The following NCAM2 variants were observed in gnomAD, a reference collection of about 807,000 sequenced individuals.
NCAM2 encodes neural cell adhesion molecule 2.
Under a neutral mutation model 98.1 loss-of-function variants are expected in NCAM2, and 30 were observed. That is an observed-to-expected ratio of 0.31 (90% CI 0.23 to 0.41). The LOEUF (loss-of-function observed/expected upper bound fraction) is 0.41, where lower values mean the gene tolerates loss of function less well. Among genes scored for constraint, NCAM2 ranks in the 10% least tolerant of loss-of-function variants. The pLI is 1.00. For synonymous variants in NCAM2, 368 were observed against 342.4 expected, an observed-to-expected ratio of 1.07 and a Z score of -0.83; for missense variants, 867 against 1,005.8, an observed-to-expected ratio of 0.86 and a Z score of 1.87.
At chr21:21,535,243 G>A (rs78599032) in intron 17 of NCAM2, among the ~76,000 whole-genome samples, 7,902 of 151,828 alleles carry the variant, frequency 0.052, 681 homozygotes, top group African/African-American at 0.18. Context: ...ATGAATATAC[G>A]CCTAGATTCA....
At chr21:21,188,480 A>G (rs932549789) in intron 1 of NCAM2, among the ~76,000 whole-genome samples, 3 of 152,176 alleles carry the variant, frequency 2.0e-5, no homozygotes, top group Non-Finnish European at 2.9e-5. Flanking sequence ...ATAACTAGCT[A>G]TGGGTTAAAA....
At chr21:21,275,785 C>T (rs1601840907) in intron 1 of NCAM2, among the ~76,000 whole-genome samples, 1 of 152,150 alleles carries the variant, frequency 6.6e-6, no homozygotes, top group South Asian at 2.1e-4. Flanking sequence ...ACAAGATACC[C>T]TCTTGTTTTT....
At chr21:21,113,878 T>G (rs974377119) in intron 1 of NCAM2, among the ~76,000 whole-genome samples, 1 of 152,188 alleles carries the variant, frequency 6.6e-6, no homozygotes, top group African/African-American at 2.4e-5. Context: ...ATATTTATAT[T>G]GTTAGATAGT....
At chr21:21,361,876 T>C (rs1389117966) in intron 8 of NCAM2, among the ~76,000 whole-genome samples, 1 of 152,210 alleles carries the variant, frequency 6.6e-6, no homozygotes, top group East Asian at 1.9e-4. Flanking sequence ...TTATTTATTT[T>C]TATTCTGGCT....
chr21:21,380,015 G>A (rs549392349), intron 9 of NCAM2, among the ~76,000 whole-genome samples: 3 of 152,048 alleles, frequency 2.0e-5, no homozygotes, highest in Non-Finnish European at 4.4e-5. Flanking sequence ...GTCTTTTCAC[G>A]TTTTTCTGCC....
chr21:21,111,955 G>C (rs1470987539), intron 1 of NCAM2, among the ~76,000 whole-genome samples: 3 of 152,080 alleles, frequency 2.0e-5, no homozygotes. Flanking sequence ...AATGTTTATT[G>C]TGTAAATTAC....
chr21:21,405,449 A>G (rs1198094083), intron 9 of NCAM2, among the ~76,000 whole-genome samples: 5 of 152,132 alleles, frequency 3.3e-5, no homozygotes, highest in Non-Finnish European at 7.4e-5. Context: ...GTCCAGATGC[A>G]TATTCCTGAT....
intron 1 of NCAM2, chr21:21,239,453 C>A (rs779992879): frequency 6.6e-6 from 1 of 152,094 alleles, no homozygotes; most frequent in Non-Finnish European, 1.5e-5. Flanking sequence ...AAAATTATCT[C>A]CCTTTAAAGA....
chr21:21,510,959 A>G (rs1988338199), intron 16 of NCAM2, among the ~76,000 whole-genome samples: 1 of 151,976 alleles, frequency 6.6e-6, no homozygotes. Context: ...CTGACTTCAT[A>G]GCACCATAGA....
At chr21:21,176,104 T>A (rs1361080930) in intron 1 of NCAM2, among the ~76,000 whole-genome samples, 1 of 152,172 alleles carries the variant, frequency 6.6e-6, no homozygotes, top group African/African-American at 2.4e-5. Flanking sequence ...AGAAAAGCAT[T>A]AGGGTAGCTG....
intron 2 of NCAM2, among the ~76,000 whole-genome samples, chr21:21,282,364 G>A (rs537749980): frequency 2.6e-5 from 4 of 151,884 alleles, no homozygotes; most frequent in Non-Finnish European, 4.4e-5. Flanking sequence ...GTGAATTAAG[G>A]CCATTCATTG....
chr21:21,504,735 A>G (rs1454387864), intron 15 of NCAM2, among the ~76,000 whole-genome samples: 1 of 151,702 alleles, frequency 6.6e-6, no homozygotes, highest in East Asian at 1.9e-4. Context: ...TAATATGTAT[A>G]TACATACATA....
chr21:21,322,281 A>T (rs1195824806), intron 5 of NCAM2, among the ~76,000 whole-genome samples: 1 of 152,140 alleles, frequency 6.6e-6, no homozygotes, highest in Non-Finnish European at 1.5e-5. Context: ...GATGGCAGCA[A>T]TAGACACTGA....
At chr21:21,227,390 T>TATA (rs2147164783) in intron 1 of NCAM2, among the ~76,000 whole-genome samples, 1 of 151,882 alleles carries the variant, frequency 6.6e-6, no homozygotes, top group African/African-American at 2.4e-5. Context: ...TTTTTAGAGT[T>TATA]GTAAATATAA....
rs571041210 is a variant in NCAM2 at position 21,297,516 on chromosome 21, A to G, written c.619+5275A>G. On this transcript the variant is annotated intron_variant, in intron 5 of 17. Coordinates refer to ENST00000400546, the MANE Select transcript of NCAM2 (RefSeq NM_004540.5). ...TGTGAAATCTTTTAAAAACAGATTA[A>G]CAGAGACATTGACTGAATTGATTGG... 2.0e-4 allele frequency among the ~76,000 whole-genome samples: 31 copies of G among 151,888 alleles called. No individual in the cohort carries two copies. The South Asian group carries it at 5.8e-3, about 28-fold the overall frequency.
At position 21,192,881 on chromosome 21, in the gene NCAM2, A is replaced by G. The variant is rs117281071; in HGVS notation, c.56-87697A>G. 5.5e-3 allele frequency among the ~76,000 whole-genome samples: 831 copies of G among 152,318 alleles called. 4 individuals are homozygous for G. Among genetic ancestry groups the G allele is most frequent in the Non-Finnish European group, 8.0e-3 (541 of 68,032 alleles). ...AAGAGGTTTCCTGGACCAGAACACCAGGTTCAAGATATTATCTGTACATCC... is the reference window on the plus strand; with the variant it reads ...AAGAGGTTTCCTGGACCAGAACACCGGGTTCAAGATATTATCTGTACATCC... On this transcript the variant is annotated intron_variant, in intron 1 of 17. Coordinates refer to ENST00000400546, the MANE Select transcript of NCAM2 (RefSeq NM_004540.5).
At chr21:21,129,871 A>G (rs1447990517) in intron 1 of NCAM2, among the ~76,000 whole-genome samples, 4 of 152,186 alleles carry the variant, frequency 2.6e-5, no homozygotes, top group Non-Finnish European at 4.4e-5. Flanking sequence ...GCTTCTGGTG[A>G]TATGTAATGT....
At chr21:21,227,585 G>A (rs1289034110) in intron 1 of NCAM2, among the ~76,000 whole-genome samples, 2 of 151,666 alleles carry the variant, frequency 1.3e-5, no homozygotes, top group South Asian at 2.1e-4. Flanking sequence ...ATGAGCTTCC[G>A]AATAGAAAAT....
At chr21:21,302,075 C>T (rs1244887476) in intron 5 of NCAM2, among the ~76,000 whole-genome samples, 1 of 147,786 alleles carries the variant, frequency 6.8e-6, no homozygotes, top group African/African-American at 2.5e-5. Context: ...GGATCTAGAA[C>T]TAGAAATACC....
Sources: allele counts gnomAD v4.1 joint callset (sites outside exome capture counted in the v4.1 genomes callset), GRCh38; gene constraint gnomAD v4.1.1; transcripts MANE v1.5; gene names NCBI Gene and HGNC (gene_info 2026-07-23, HGNC 2026-07-21).